The following NEK9 variants were observed in gnomAD, a reference collection of about 807,000 sequenced individuals.
NEK9 encodes the protein serine/threonine-protein kinase Nek9.
In NEK9, 75 loss-of-function variants were observed where a neutral mutation model predicts 123.4. That is an observed-to-expected ratio of 0.61 (90% CI 0.50 to 0.74). The LOEUF (loss-of-function observed/expected upper bound fraction) is 0.74, where lower values mean the gene tolerates loss of function less well. Ranked by LOEUF, NEK9 falls within the 30% of genes least tolerant of loss-of-function variation. NEK9 has a pLI of 0.00. For missense variants in NEK9, 952 were observed against 1,214.4 expected (o/e 0.78, Z 3.21); for synonymous variants, 438 against 458.7 (o/e 0.95, Z 0.58).
chr14:75,095,897 A>T (rs1211379920), intron 17 of NEK9, among the ~76,000 whole-genome samples: 3 of 152,276 alleles, frequency 2.0e-5, no homozygotes, highest in South Asian at 2.1e-4. Flanking sequence ...CTCAAAATTT[A>T]AAAAAAGGAA....
Position 75,118,792 on chromosome 14 carries a change from G to GAAAAT in NEK9, c.630+33_630+37dup, listed in dbSNP as rs948228825. 5.9e-6 allele frequency: 7 copies of GAAAAT among 1,186,478 alleles called. No individual in the cohort carries two copies. The African/African-American group carries it at 1.1e-4, about 18-fold the overall frequency. 73.5% of individuals were successfully genotyped at this position (1,186,478 alleles called of 1,614,324 possible). ...AGTACAGTTATATTTCACAGTGCTA[G>GAAAAT]AAAATAAAATAAAAATTAAGACAAG... is the stretch of plus-strand genomic sequence containing the variant. On this transcript the variant is annotated intron_variant, in intron 5 of 21. Transcript: ENST00000238616.
chr14:75,088,684 T>C, intron 19 of NEK9, 43 bp from the exon 20 acceptor site: 1 of 1,577,308 alleles, frequency 6.3e-7, no homozygotes, highest in Non-Finnish European at 8.7e-7. Context: ...TTTGCAGTAT[T>C]TGCTTCCTCC....
At chr14:75,121,568 G>T (rs1487834144) in intron 2 of NEK9, among the ~76,000 whole-genome samples, 1 of 152,192 alleles carries the variant, frequency 6.6e-6, no homozygotes, top group Non-Finnish European at 1.5e-5. Context: ...TCTGGATTAG[G>T]CTGGGCACAT....
chr14:75,112,224 A>G lies in NEK9; in HGVS notation c.938+1115T>C, dbSNP rs1301078809. Among the ~76,000 whole-genome samples the G allele has an allele frequency of 4.6e-5, 7 of 152,264 alleles. No homozygotes were observed. The East Asian group carries it at 1.3e-3, about 29-fold the overall frequency. ...CTTGAAAAGAGCATTGTATGTGAAT[A>G]TTTGGAAGATATAAAAACAAAAAAC... On this transcript the variant is annotated intron_variant, in intron 8 of 21. Transcript: ENST00000238616.
At chr14:75,096,236 C>T (rs1894377463) in intron 17 of NEK9, among the ~76,000 whole-genome samples, 1 of 146,096 alleles carries the variant, frequency 6.8e-6, no homozygotes, top group Non-Finnish European at 1.5e-5. Context: ...GAGATCGCAC[C>T]ACTGCGCTCC....
intron 13 of NEK9, among the ~76,000 whole-genome samples, chr14:75,104,824 C>T (rs565911387): frequency 1.3e-5 from 2 of 152,298 alleles, no homozygotes; most frequent in South Asian, 4.1e-4. Context: ...TTTACAATAT[C>T]AAAGAAAAGG....
intron 15 of NEK9, 76 bp from the exon 16 acceptor site, chr14:75,101,229 T>C: frequency 6.9e-7 from 1 of 1,442,594 alleles, no homozygotes; most frequent in East Asian, 2.4e-5. Flanking sequence ...CAAGCAGACT[T>C]CATGGATTAG....
At chr14:75,094,264 T>G (rs530033999) in intron 18 of NEK9, among the ~76,000 whole-genome samples, 1 of 152,352 alleles carries the variant, frequency 6.6e-6, no homozygotes. Flanking sequence ...ATCTGTTTGA[T>G]TGACCGATTG....
In NEK9 at chr14:75,097,180, G is replaced by A. The variant is rs1000365757; in HGVS notation, c.2093C>T (p.Ser698Leu). ...ERPHGSDICTSWPRPIFGSLH... is the reference protein window; with the variant it reads ...ERPHGSDICTLWPRPIFGSLH... The stretch of plus-strand genomic sequence containing the variant: ...AGATCCAAAAATAGGCCGAGGCCAT[G>A]AGGTACAGATATCAGAGCCATGTGG... Residue 698 changes from serine to leucine, a missense_variant, in exon 17 of 22, where the codon TCA (serine) becomes TTA (leucine). This residue lies in a region of NEK9 where 698 missense variants were observed against 875.6 expected (regional missense o/e 0.80). Coordinates refer to ENST00000238616, the MANE Select transcript of NEK9 (RefSeq NM_033116.6). 6.2e-7 allele frequency: 1 copy of A among 1,613,974 alleles called. No individual in the cohort carries two copies. Among genetic ancestry groups the A allele is most frequent in the Non-Finnish European group, 8.5e-7 (1 of 1,179,890 alleles).
At chr14:75,123,062 T>A (rs1428183227) in intron 2 of NEK9, among the ~76,000 whole-genome samples, 1 of 152,048 alleles carries the variant, frequency 6.6e-6, no homozygotes, top group Non-Finnish European at 1.5e-5. Flanking sequence ...CTCAAAGCGC[T>A]GGGATTACAG....
intron 18 of NEK9, among the ~76,000 whole-genome samples, chr14:75,092,946 A>G (rs1894267158): frequency 6.6e-6 from 1 of 152,184 alleles, no homozygotes; most frequent in African/African-American, 2.4e-5. Context: ...GCAGAACTAT[A>G]GTTACCAAAG....
intron 7 of NEK9, among the ~76,000 whole-genome samples, chr14:75,113,683 TAA>T (rs1233100931): frequency 1.3e-5 from 2 of 152,146 alleles, no homozygotes; most frequent in Non-Finnish European, 2.9e-5. Context: ...TTGTTACAAA[TAA>T]AGATTTCTGG....
At chr14:75,103,721 T>C in intron 14 of NEK9, 121 bp downstream of exon 14, 1 of 1,051,656 alleles carries the variant, frequency 9.5e-7, no homozygotes. Flanking sequence ...CTGCACACAA[T>C]GCCTATGAGA....
rs1193516587 is a variant in NEK9 at position 75,082,125 on chromosome 14, GAGCTTAAATGTTTATTTAAAAC to G, written c.*2417_*2438del. 1 of 152,188 alleles carries G rather than the reference GAGCTTAAATGTTTATTTAAAAC, an allele frequency of 6.6e-6. No homozygotes were observed. The allele number at this position is 152,188 out of a possible 1,614,324, so 9.4% of individuals were successfully genotyped here. On this transcript the variant is annotated 3_prime_UTR_variant, in exon 22 of 22. Coordinates refer to ENST00000238616, the MANE Select transcript of NEK9 (RefSeq NM_033116.6). ...CTTACTGAAGCACAGTACTGATTAA[GAGCTTAAATGTTTATTTAAAAC>G]AGAAATGCCAAACCACTCCACTCTC... is the stretch of plus-strand genomic sequence containing the variant.
chr14:75,119,801 G>A (rs1895264158), intron 4 of NEK9, among the ~76,000 whole-genome samples: 1 of 152,144 alleles, frequency 6.6e-6, no homozygotes, highest in Non-Finnish European at 1.5e-5. Context: ...AACTGTGCCT[G>A]GTTCACTATG....
At chr14:75,095,745 C>G (rs940342746) in intron 17 of NEK9, among the ~76,000 whole-genome samples, 2 of 152,122 alleles carry the variant, frequency 1.3e-5, no homozygotes, top group Admixed American at 6.5e-5. Context: ...GCAAAGCTAG[C>G]CAGGTGTGGT....
chr14:75,087,261 T>C (rs1396775543), intron 20 of NEK9, 31 bp from the exon 21 acceptor site: 1 of 1,566,700 alleles, frequency 6.4e-7, no homozygotes, highest in Non-Finnish European at 8.7e-7. Flanking sequence ...TTGCAGGAGG[T>C]TCTGCCCAGG....
At chr14:75,120,104 C>T (rs1391090003) in intron 4 of NEK9, among the ~76,000 whole-genome samples, 2 of 152,046 alleles carry the variant, frequency 1.3e-5, no homozygotes, top group African/African-American at 4.8e-5. Flanking sequence ...TAAATTTGTA[C>T]AAGTAAATAT....
chr14:75,094,191 A>C (rs993565460), intron 18 of NEK9, among the ~76,000 whole-genome samples: 7 of 152,238 alleles, frequency 4.6e-5, no homozygotes, highest in African/African-American at 1.7e-4. Flanking sequence ...GTCAGTGTAT[A>C]TGTGTAAACT....
Sources: allele counts gnomAD v4.1 joint callset (sites outside exome capture counted in the v4.1 genomes callset), GRCh38; gene constraint gnomAD v4.1.1; regional missense constraint gnomAD v4.1.1; transcripts MANE v1.5; gene names NCBI Gene and HGNC (gene_info 2026-07-23, HGNC 2026-07-21).